HFM1: variants seen among roughly 807,000 people sequenced by gnomAD.
HFM1 encodes helicase for meiosis 1, also known as probable ATP-dependent DNA helicase HFM1.
In HFM1, 169 loss-of-function variants were observed where a neutral mutation model predicts 192.1. The observed-to-expected ratio is 0.88, with a 90% CI of 0.78 to 1.00. HFM1 has a LOEUF of 1.00. Among genes scored for constraint, HFM1 ranks in the 50% least tolerant of loss-of-function variants. The probability of loss-of-function intolerance (pLI) is 0.00; values close to 1 mark genes in which losing one functional copy is unlikely to be tolerated. For synonymous variants in HFM1, 525 were observed against 537.8 expected, an observed-to-expected ratio of 0.98 and a Z score of 0.33; for missense variants, 1,661 against 1,668.0, an observed-to-expected ratio of 1.00 and a Z score of 0.07.
intron 30 of HFM1, among the ~76,000 whole-genome samples, chr1:91,294,027 C>T (rs1342768831): frequency 2.3e-5 from 3 of 129,888 alleles, no homozygotes; most frequent in Non-Finnish European, 4.6e-5. Context: ...GGAAGGGGAA[C>T]ATCACACTCT....
intron 30 of HFM1, among the ~76,000 whole-genome samples, chr1:91,289,311 G>A (rs1027570310): frequency 7.3e-5 from 11 of 151,122 alleles, no homozygotes; most frequent in South Asian, 2.1e-4. Flanking sequence ...ATGGGCGGCC[G>A]GGCAGAGATG....
chr1:91,313,287 G>A, intron 30 of HFM1, 62 bp downstream of exon 30: 4 of 967,728 alleles, frequency 4.1e-6, no homozygotes, highest in Non-Finnish European at 4.7e-6. Flanking sequence ...CTATAACACT[G>A]ATACTCCTTC....
intron 13 of HFM1, among the ~76,000 whole-genome samples, chr1:91,363,822 T>C (rs1232233223): frequency 6.6e-6 from 1 of 152,138 alleles, no homozygotes; most frequent in Non-Finnish European, 1.5e-5. Context: ...AAAGAAAATG[T>C]GGCACATATA....
At position 91,328,313 on chromosome 1, in the gene HFM1, C is replaced by T. The variant is rs1397455066; in HGVS notation, c.2336-3547G>A. The T allele has an allele frequency of 2.8e-6, 4 of 1,434,026 alleles. No homozygotes were observed. In the African/African-American group the frequency reaches 4.3e-5, roughly 15 times the overall value. The allele number at this position is 1,434,026 out of a possible 1,614,324, so 88.8% of individuals were successfully genotyped here. On this transcript the variant is annotated intron_variant, in intron 20 of 38. Transcript: ENST00000370425. ...GCTTAGGACCGCCTGCCCAGGGCAA[C>T]CCTGAATCAAGCTTTAGCCGCCGAG...
intron 4 of HFM1, among the ~76,000 whole-genome samples, chr1:91,392,639 A>T (rs1373113567): frequency 6.6e-6 from 1 of 152,180 alleles, no homozygotes; most frequent in African/African-American, 2.4e-5. Context: ...AGAAATACCT[A>T]ATGTAAATGA....
intron 20 of HFM1, chr1:91,329,620 T>C (rs1653500603): frequency 3.6e-6 from 3 of 838,782 alleles, no homozygotes; most frequent in Non-Finnish European, 5.5e-6. Context: ...GAGAGAGCAT[T>C]CTAAGGTTTT....
rs1313227663 is a variant in HFM1 at position 91,401,053 on chromosome 1, A to G, written c.30T>C (p.Ser10=). ...GTTTTTCAAAAAACAAATTTTCCAA[A>G]GAAAACAGGCAATCATTTGATTTCA... MLKSNDCLF[S]LENLFFEKPD... The change falls in exon 2 of 39, where the codon TCT becomes TCC. Residue 10 remains serine (S), a synonymous_variant. Coordinates refer to ENST00000370425, the MANE Select transcript of HFM1 (RefSeq NM_001017975.6). The G allele has an allele frequency of 6.4e-7, 1 of 1,556,128 alleles. No individual in the cohort carries two copies. The highest frequency in any genetic ancestry group is 1.4e-5 in the African/African-American group (1 of 70,974).
chr1:91,394,931 TA>T (rs1663467746), intron 3 of HFM1, among the ~76,000 whole-genome samples: 1 of 151,974 alleles, frequency 6.6e-6, no homozygotes, highest in Non-Finnish European at 1.5e-5. Flanking sequence ...TAGGGAAGTT[TA>T]GGGGGAATTT....
intron 30 of HFM1, among the ~76,000 whole-genome samples, chr1:91,310,606 T>A (rs1346320126): frequency 1.3e-5 from 2 of 152,214 alleles, no homozygotes; most frequent in South Asian, 2.1e-4. Flanking sequence ...TCTCCCAGAA[T>A]TCCCACGTGT....
rs547843917 is a variant in HFM1, at chr1:91,369,291, T to C, written c.1685+6067A>G. The stretch of plus-strand genomic sequence containing the variant: ...AACTCTCCACCCCAAATAAACAGAA[T>C]ATACATTCTTTTCAGCACCACACCA... On this transcript the variant is annotated intron_variant, in intron 13 of 38. Coordinates refer to ENST00000370425, the MANE Select transcript of HFM1 (RefSeq NM_001017975.6). Among the ~76,000 whole-genome samples the C allele has an allele frequency of 3.8e-3, 574 of 152,256 alleles. 3 individuals are homozygous for C. Among genetic ancestry groups the C allele is most frequent in the African/African-American group, 0.013 (547 of 41,536 alleles).
At chr1:91,284,487 G>A (rs1332142352) in intron 30 of HFM1, among the ~76,000 whole-genome samples, 1 of 152,048 alleles carries the variant, frequency 6.6e-6, no homozygotes. Flanking sequence ...CCTGACCTCA[G>A]GTGATCTGCC....
At chr1:91,291,531 A>G (rs1286116390) in intron 30 of HFM1, among the ~76,000 whole-genome samples, 9 of 152,184 alleles carry the variant, frequency 5.9e-5, no homozygotes, top group Non-Finnish European at 1.0e-4. Flanking sequence ...ATAGACCAAT[A>G]ACAGGAGCTG....
chr1:91,314,014 C>G lies in HFM1; in HGVS notation c.3187G>C (p.Val1063Leu). 6.2e-7 allele frequency: 1 copy of G among 1,611,136 alleles called. No individual in the cohort carries two copies. Among genetic ancestry groups the G allele is most frequent in the South Asian group, 1.1e-5 (1 of 90,646 alleles). ...TCTTCAGATTTAAGAGCTCTTTTCA[C>G]AGCAATCTTTTTAGCCCAACTTCCA... ...KAGSWAKKIA[V>L]KRALKSEDLS... is the part of the protein sequence containing the mutation. Residue 1063 changes from valine (V) to leucine (L), a missense_variant, in exon 29 of 39, where the codon GTG becomes CTG. Physicochemically the swap from Val to Leu is conservative, Grantham distance 32. Coordinates refer to ENST00000370425, the MANE Select transcript of HFM1 (RefSeq NM_001017975.6).
chr1:91,396,643 C>T (rs4658221), intron 2 of HFM1, among the ~76,000 whole-genome samples: 15,186 of 152,164 alleles, frequency 0.1, 814 homozygotes, highest in East Asian at 0.16. Context: ...ACTCTATCTC[C>T]TTTTCTCCAA....
chr1:91,325,871 G>A (rs1652819986), intron 20 of HFM1, among the ~76,000 whole-genome samples: 1 of 151,914 alleles, frequency 6.6e-6, no homozygotes, highest in Non-Finnish European at 1.5e-5. Context: ...CACAGAGAAA[G>A]GATTCAGAAT....
chr1:91,377,405 A>G (rs1661031480), intron 11 of HFM1: 1 of 152,026 alleles, frequency 6.6e-6, no homozygotes, highest in Non-Finnish European at 1.5e-5. Context: ...TAGTAGGCTG[A>G]GAAGTAAGTA....
intron 26 of HFM1, 38 bp from the exon 27 acceptor site, chr1:91,316,222 C>T: frequency 8.0e-7 from 1 of 1,244,100 alleles, no homozygotes; most frequent in East Asian, 2.4e-5. Flanking sequence ...TACCACAACA[C>T]TTGAAATTCT....
chr1:91,373,622 A>C (rs1285206882), intron 13 of HFM1, among the ~76,000 whole-genome samples: 1 of 151,410 alleles, frequency 6.6e-6, no homozygotes, highest in Non-Finnish European at 1.5e-5. Flanking sequence ...TTTTTGTGAC[A>C]TCTAGTTGCT....
chr1:91,370,268 C>A (rs1157218299), intron 13 of HFM1, among the ~76,000 whole-genome samples: 1 of 152,124 alleles, frequency 6.6e-6, no homozygotes, highest in Non-Finnish European at 1.5e-5. Context: ...GATACCAAAG[C>A]CTGGCAGAGA....
Sources: allele counts gnomAD v4.1 joint callset (sites outside exome capture counted in the v4.1 genomes callset), GRCh38; gene constraint gnomAD v4.1.1; transcripts MANE v1.5; gene names NCBI Gene and HGNC (gene_info 2026-07-23, HGNC 2026-07-21).